The following ANO6 variants were observed in gnomAD, a reference collection of about 807,000 sequenced individuals.
ANO6 encodes the protein anoctamin-6.
A neutral mutation model predicts 117.5 loss-of-function variants in ANO6; 106 were observed. The ratio of observed to expected loss-of-function variants is 0.90; its 90% CI spans 0.77 to 1.06. ANO6 has a LOEUF of 1.06. Among genes scored for constraint, ANO6 ranks in the 50% least tolerant of loss-of-function variants. The pLI is 0.00. For missense variants in ANO6, 955 were observed against 1,121.1 expected (o/e 0.85, Z 2.12); for synonymous variants, 367 against 385.1 (o/e 0.95, Z 0.55).
rs1257045109 is a variant in ANO6 at position 45,348,551 on chromosome 12, G to A, written c.667G>A (p.Val223Met). The A allele has an allele frequency of 6.2e-7, 1 of 1,614,018 alleles. No homozygotes were observed. Among genetic ancestry groups the A allele is most frequent in the East Asian group, 2.2e-5 (1 of 44,866 alleles). ...YFILSRVKYQ[V>M]INNVSKFGIN... is the part of the protein sequence containing the mutation. Reference sequence around the variant, plus strand: ...CATCCTCTCTCGGGTCAAGTATCAAGTGATAAACAATGTTAGCAAGTTTGG... The same window carrying A: ...CATCCTCTCTCGGGTCAAGTATCAAATGATAAACAATGTTAGCAAGTTTGG... The change falls in exon 6 of 20, where the codon GTG becomes ATG. Residue 223 changes from valine to methionine, a missense_variant. Physicochemically the swap from Val to Met is conservative, Grantham distance 21. Coordinates refer to ENST00000320560, the MANE Select transcript of ANO6 (RefSeq NM_001025356.3).
intron 12 of ANO6, among the ~76,000 whole-genome samples, chr12:45,393,974 G>C (rs1425752841): frequency 6.6e-6 from 1 of 152,170 alleles, no homozygotes; most frequent in Non-Finnish European, 1.5e-5. Context: ...CATAATGACA[G>C]GATCAAATTC....
At chr12:45,352,650 G>A (rs555785509) in intron 7 of ANO6, among the ~76,000 whole-genome samples, 6 of 150,094 alleles carry the variant, frequency 4.0e-5, no homozygotes, top group African/African-American at 1.2e-4. Context: ...AGAATTGCTC[G>A]AGTCCAGGAG....
chr12:45,260,879 T>G (rs1938004941), intron 1 of ANO6, among the ~76,000 whole-genome samples: 1 of 152,088 alleles, frequency 6.6e-6, no homozygotes, highest in African/African-American at 2.4e-5. Flanking sequence ...CCTCAAACTG[T>G]TGGGCTCAAG....
rs1168855945 is a variant in ANO6 at position 45,430,200 on chromosome 12, A to G, written c.*889A>G. On this transcript the variant is annotated 3_prime_UTR_variant, in exon 20 of 20. Transcript: ENST00000320560. ...CATGATTAAAATTACATTTTTATCA[A>G]CATAATTGTCTGGAAAAGATAAGCC... The G allele has an allele frequency of 1.0e-6, 1 of 985,472 alleles. No homozygotes were observed. Among genetic ancestry groups the G allele is most frequent in the Non-Finnish European group, 1.2e-6 (1 of 829,928 alleles). The allele number at this position is 985,472 out of a possible 1,614,324, so 61.0% of individuals were successfully genotyped here.
At chr12:45,433,102 A>G (rs1215794860), downstream of ANO6, among the ~76,000 whole-genome samples, 1 of 152,202 alleles carries the variant, frequency 6.6e-6, no homozygotes. Flanking sequence ...GTCCCGGCTT[A>G]TACCTTAGGA....
intron 1 of ANO6, among the ~76,000 whole-genome samples, chr12:45,276,420 C>T (rs1938556915): frequency 6.6e-6 from 1 of 152,144 alleles, no homozygotes; most frequent in South Asian, 2.1e-4. Context: ...GCAGTCACAC[C>T]GATCTTTGAT....
At chr12:45,273,283 A>T (rs940330732) in intron 1 of ANO6, among the ~76,000 whole-genome samples, 1 of 152,210 alleles carries the variant, frequency 6.6e-6, no homozygotes. Flanking sequence ...TGTATATCAA[A>T]TCACATTGTA....
At chr12:45,275,271 C>T (rs752384639) in intron 1 of ANO6, among the ~76,000 whole-genome samples, 1 of 152,068 alleles carries the variant, frequency 6.6e-6, no homozygotes, top group Non-Finnish European at 1.5e-5. Flanking sequence ...AGTGCAGTAG[C>T]GCCATCTCGG....
chr12:45,328,677 T>C (rs1380044525), intron 2 of ANO6, among the ~76,000 whole-genome samples: 1 of 152,186 alleles, frequency 6.6e-6, no homozygotes. Context: ...TCCCTAGAAC[T>C]TGCTATGTAC....
intron 1 of ANO6, among the ~76,000 whole-genome samples, chr12:45,241,412 A>G (rs1167253109): frequency 6.6e-6 from 1 of 152,184 alleles, no homozygotes; most frequent in African/African-American, 2.4e-5. Context: ...AGGTCATTTA[A>G]GGTCTTCTCT....
At chr12:45,289,635 T>G (rs1329822488) in intron 1 of ANO6, among the ~76,000 whole-genome samples, 1 of 152,250 alleles carries the variant, frequency 6.6e-6, no homozygotes, top group African/African-American at 2.4e-5. Context: ...CTGATTTTCC[T>G]TTTATCCAAA....
intron 1 of ANO6, among the ~76,000 whole-genome samples, chr12:45,233,656 G>A (rs1311815396): frequency 2.0e-5 from 3 of 152,076 alleles, no homozygotes; most frequent in Non-Finnish European, 4.4e-5. Flanking sequence ...CATTGTAAAA[G>A]CATATTTTAC....
intron 12 of ANO6, among the ~76,000 whole-genome samples, chr12:45,395,505 T>C (rs1942586245): frequency 6.6e-6 from 1 of 152,136 alleles, no homozygotes; most frequent in African/African-American, 2.4e-5. Flanking sequence ...GCCAGCATCA[T>C]CCTGATATCA....
At chr12:45,331,193 T>TC (rs1940649693) in intron 2 of ANO6, 102 bp from the exon 3 acceptor site, 2 of 1,067,010 alleles carry the variant, frequency 1.9e-6, no homozygotes, top group African/African-American at 3.2e-5. Context: ...TGGATGTATT[T>TC]CTCTTTCACA....
At chr12:45,351,745 C>T (rs952706572) in intron 7 of ANO6, among the ~76,000 whole-genome samples, 4 of 152,082 alleles carry the variant, frequency 2.6e-5, no homozygotes, top group Admixed American at 6.5e-5. Context: ...CATCAGAGAC[C>T]AGTGCTAGTG....
At chr12:45,220,254 G>C (rs1211559232) in intron 1 of ANO6, among the ~76,000 whole-genome samples, 1 of 152,124 alleles carries the variant, frequency 6.6e-6, no homozygotes, top group Admixed American at 6.5e-5. Flanking sequence ...TGGTTGCTTT[G>C]AGTTCCTAGT....
chr12:45,418,240 A>G (rs1943263775), intron 17 of ANO6, among the ~76,000 whole-genome samples: 2 of 152,222 alleles, frequency 1.3e-5, no homozygotes. Context: ...TCTGGAACCT[A>G]GCTGTCATCC....
chr12:45,429,013 A>G, intron 19 of ANO6, 92 bp from the exon 20 acceptor site: 1 of 1,490,194 alleles, frequency 6.7e-7, no homozygotes, highest in South Asian at 1.2e-5. Flanking sequence ...CCTTGTCCAG[A>G]TAAACTGCCA....
In ANO6 at chr12:45,412,853, C is replaced by T. The variant is rs531796369; in HGVS notation, c.2011+3366C>T. Among the ~76,000 whole-genome samples the T allele has an allele frequency of 4.8e-4, 73 of 152,318 alleles. 1 individual carries two copies. The highest frequency in any genetic ancestry group is 1.8e-3 in the African/African-American group (73 of 41,568). ...GTTAAGGAGAATGCTAATCAGACTT[C>T]CTTGAGCAGGTGATATTTGAACTGG... is the stretch of plus-strand genomic sequence containing the variant. On this transcript the variant is annotated intron_variant, in intron 16 of 19. Transcript: ENST00000320560.
Sources: gnomAD v4.1 joint callset for allele counts (sites outside exome capture counted in the v4.1 genomes callset) on GRCh38, gnomAD v4.1.1 for gene constraint, MANE v1.5 for transcripts, NCBI Gene and HGNC (gene_info 2026-07-23, HGNC 2026-07-21) for gene names.